The following DOCK4 variants were observed in gnomAD, a reference collection of about 807,000 sequenced individuals.
DOCK4 encodes the protein dedicator of cytokinesis 4.
A neutral mutation model predicts 268.1 loss-of-function variants in DOCK4; 97 were observed. The observed-to-expected ratio is 0.36, with a 90% CI of 0.31 to 0.43. The LOEUF is 0.43. Among genes scored for constraint, DOCK4 ranks in the 20% least tolerant of loss-of-function variants. The probability of loss-of-function intolerance (pLI) is 1.00; values close to 1 mark genes in which losing one functional copy is unlikely to be tolerated. For synonymous variants in DOCK4, 954 were observed against 887.2 expected, an observed-to-expected ratio of 1.08 and a Z score of -1.34; for missense variants, 2,145 against 2,455.7, an observed-to-expected ratio of 0.87 and a Z score of 2.67.
chr7:112,028,632 A>T (rs1803009148), intron 1 of DOCK4, among the ~76,000 whole-genome samples: 1 of 152,230 alleles, frequency 6.6e-6, no homozygotes, highest in Admixed American at 6.5e-5. Context: ...TTTCTCAACA[A>T]CTTGGATCAA....
intron 1 of DOCK4, among the ~76,000 whole-genome samples, chr7:112,114,279 C>T (rs1266467105): frequency 2.0e-5 from 3 of 152,052 alleles, no homozygotes; most frequent in Non-Finnish European, 2.9e-5. Flanking sequence ...AATGTTGATG[C>T]ATTTCATTAT....
intron 1 of DOCK4, among the ~76,000 whole-genome samples, chr7:112,182,333 TA>T (rs1313944037): frequency 6.6e-6 from 1 of 152,236 alleles, no homozygotes; most frequent in Admixed American, 6.5e-5. Flanking sequence ...ATAATGTACT[TA>T]TATGGAATGA....
rs149536626 is a variant in DOCK4 at position 111,853,986 on chromosome 7, T to C, written c.2474-6860A>G. Among the ~76,000 whole-genome samples, 967 of 151,896 alleles carry C rather than the reference T, an allele frequency of 6.4e-3. 12 individuals carry two copies. Among genetic ancestry groups the C allele is most frequent in the African/African-American group, 0.022 (912 of 41,420 alleles). On this transcript the variant is annotated intron_variant, in intron 23 of 52. Transcript: ENST00000428084. The stretch of plus-strand genomic sequence containing the variant: ...TCTTGCTCTGTTGCCCAGGCTGGAG[T>C]GCAGTGGCATGATCTCGGCTCACTG...
intron 1 of DOCK4, 92 bp downstream of exon 1, chr7:112,206,010 C>A: frequency 7.0e-7 from 1 of 1,423,416 alleles, no homozygotes. Context: ...CATTTTCAAC[C>A]GGGCGGAGCG....
chr7:111,850,439 C>T (rs1248131060), intron 23 of DOCK4, among the ~76,000 whole-genome samples: 1 of 152,082 alleles, frequency 6.6e-6, no homozygotes, highest in Non-Finnish European at 1.5e-5. Flanking sequence ...AATCCTTTTG[C>T]AGCCACCCCC....
intron 1 of DOCK4, among the ~76,000 whole-genome samples, chr7:112,096,291 T>C (rs994023906): frequency 6.6e-6 from 1 of 152,146 alleles, no homozygotes; most frequent in Non-Finnish European, 1.5e-5. Context: ...TACTCCCACC[T>C]GTGTATCTGG....
Position 111,940,162 on chromosome 7 carries a change from C to A in DOCK4, c.925G>T (p.Ala309Ser), listed in dbSNP as rs201403135. 6.2e-7 allele frequency: 1 copy of A among 1,613,870 alleles called. No homozygotes were observed. The highest frequency in any genetic ancestry group is 1.3e-5 in the African/African-American group (1 of 74,924). The change falls in exon 11 of 53, where the codon GCT becomes TCT. Residue 309 changes from alanine to serine, a missense_variant. Physicochemically the swap from Ala to Ser is moderately conservative, Grantham distance 99. Transcript: ENST00000428084. ...TTTGTCTCTCCTGTTAGCAGGTCAG[C>A]GATGCTAAGAACTGCACAGCCAAAG... ...RPFGCAVLSI[A>S]DLLTGETKDD...
chr7:111,926,281 T>C (rs938680717), intron 12 of DOCK4, among the ~76,000 whole-genome samples: 2 of 140,780 alleles, frequency 1.4e-5, no homozygotes, highest in Non-Finnish European at 3.0e-5. Context: ...AATAAATAAA[T>C]AAGCCGAGCA....
intron 23 of DOCK4, among the ~76,000 whole-genome samples, chr7:111,851,315 G>A (rs540675428): frequency 3.9e-5 from 6 of 151,976 alleles, no homozygotes; most frequent in South Asian, 4.2e-4. Flanking sequence ...GTGGCGGCAC[G>A]CGCCTGTAAG....
intron 44 of DOCK4, among the ~76,000 whole-genome samples, chr7:111,746,066 T>G (rs1325462043): frequency 6.6e-6 from 1 of 152,224 alleles, no homozygotes; most frequent in Non-Finnish European, 1.5e-5. Flanking sequence ...TTTCAAAATC[T>G]GAAACACTTA....
At chr7:111,864,056 G>A (rs1805771978) in intron 22 of DOCK4, among the ~76,000 whole-genome samples, 1 of 152,246 alleles carries the variant, frequency 6.6e-6, no homozygotes, top group East Asian at 1.9e-4. Context: ...GTTACACATA[G>A]TATTAGCTTT....
intron 1 of DOCK4, among the ~76,000 whole-genome samples, chr7:112,133,126 A>C (rs1436829915): frequency 6.6e-6 from 1 of 152,164 alleles, no homozygotes; most frequent in African/African-American, 2.4e-5. Context: ...CAGAATAGGG[A>C]TACAGGTCAT....
rs1418405626 is a variant in DOCK4, at chr7:112,206,120, G to T, written c.19C>A (p.His7Asn). ...GACTCACCCACGCCGTATTTCTCGT[G>T]CTCCGTAGGTATCCACATGGCTAAA... The part of the protein sequence containing the change: MWIPTE[H>N]EKYGVVIASF... The change falls in exon 1 of 53, where the codon CAC (histidine) becomes AAC (asparagine). Residue 7 changes from histidine (H) to asparagine (N), a missense_variant. Physicochemically the swap from His to Asn is moderately conservative, Grantham distance 68. Around this residue, in one of 2 missense-constraint regions of DOCK4, gnomAD observed 1,598 missense variants for 1,986.7 expected, o/e 0.80. Transcript: ENST00000428084. 1 of 1,587,068 alleles carries T rather than the reference G, an allele frequency of 6.3e-7. No individual in the cohort carries two copies. Among genetic ancestry groups the T allele is most frequent in the Admixed American group, 1.8e-5 (1 of 56,128 alleles).
chr7:112,128,941 T>C (rs1225439147), intron 1 of DOCK4, among the ~76,000 whole-genome samples: 1 of 152,214 alleles, frequency 6.6e-6, no homozygotes, highest in African/African-American at 2.4e-5. Flanking sequence ...ATCCCTCTCA[T>C]ATACTGCTGG....
rs1794690761 is a variant in DOCK4 at position 111,727,025 on chromosome 7, C to A, written c.*1249G>T. Reference sequence around the variant, plus strand: ...TAACAGTATGATTTAAAATACAGTTCATATCTATTGTCAATTGAGTGTTAT... The same window carrying A: ...TAACAGTATGATTTAAAATACAGTTAATATCTATTGTCAATTGAGTGTTAT... On this transcript the variant is annotated 3_prime_UTR_variant, in exon 53 of 53. Transcript: ENST00000428084. 6.6e-6 allele frequency: 1 copy of A among 152,496 alleles called. No homozygotes were observed. Among genetic ancestry groups the A allele is most frequent in the Non-Finnish European group, 1.5e-5 (1 of 68,000 alleles). 9.4% of individuals were successfully genotyped at this position (152,496 alleles called of 1,614,324 possible). A position where few individuals can be genotyped will look rare whatever the true frequency, so the allele number is the denominator to read the frequency against.
At chr7:112,192,478 C>T (rs1043167690) in intron 1 of DOCK4, among the ~76,000 whole-genome samples, 1 of 152,154 alleles carries the variant, frequency 6.6e-6, no homozygotes, top group Admixed American at 6.6e-5. Context: ...GACACTCTTT[C>T]CTCCTCAGGG....
chr7:112,148,562 T>C (rs539828297), intron 1 of DOCK4, among the ~76,000 whole-genome samples: 2 of 150,146 alleles, frequency 1.3e-5, no homozygotes, highest in East Asian at 2.1e-4. Context: ...GCCAGTAGCA[T>C]GTTTCACAAG....
At chr7:111,840,744 G>A in intron 25 of DOCK4, 8 of 1,206,428 alleles carry the variant, frequency 6.6e-6, no homozygotes, top group Non-Finnish European at 8.5e-6. Context: ...GGCACATTGT[G>A]GGATCTGCGT....
chr7:112,121,515 T>C lies in DOCK4; in HGVS notation c.37+84587A>G, dbSNP rs370213397. On this transcript the variant is annotated intron_variant, in intron 1 of 52. Coordinates refer to ENST00000428084, the MANE Select transcript of DOCK4 (RefSeq NM_001363540.2). ...TATGTTCTCTCGGTCACTGACCTCT[T>C]AGCATTAGGTTCAATTTTCTTTAAC... 1.1e-4 allele frequency among the ~76,000 whole-genome samples: 16 copies of C among 152,334 alleles called. No homozygotes were observed. In the South Asian group the frequency reaches 3.3e-3, roughly 32 times the overall value.
Sources: allele counts gnomAD v4.1 joint callset (sites outside exome capture counted in the v4.1 genomes callset), GRCh38; gene constraint gnomAD v4.1.1; regional missense constraint gnomAD v4.1.1; transcripts MANE v1.5; gene names NCBI Gene and HGNC (gene_info 2026-07-23, HGNC 2026-07-21).